MAP3K20: variants seen among roughly 807,000 people sequenced by gnomAD.
MAP3K20 encodes the protein mitogen-activated protein kinase kinase kinase 20.
MAP3K20 carries 40 observed loss-of-function variants against 85.7 expected under a neutral mutation model. The ratio of observed to expected loss-of-function variants is 0.47; its 90% CI spans 0.36 to 0.61. The LOEUF (loss-of-function observed/expected upper bound fraction) is 0.61. MAP3K20 is among the 20% of genes least tolerant of loss of function. The pLI, the probability that MAP3K20 is intolerant of heterozygous loss-of-function variation, is 0.00. For synonymous variants in MAP3K20, 325 were observed against 327.7 expected (o/e 0.99, Z 0.09); for missense variants, 817 against 961.7 (o/e 0.85, Z 1.99).
chr2:173,181,061 T>C (rs540304327), intron 3 of MAP3K20, among the ~76,000 whole-genome samples: 8 of 151,986 alleles, frequency 5.3e-5, no homozygotes, highest in Non-Finnish European at 7.4e-5. Context: ...AGTGTAAAAG[T>C]GGACAAAAGA....
At chr2:173,134,002 A>G (rs113993048) in intron 2 of MAP3K20, among the ~76,000 whole-genome samples, 1 of 151,010 alleles carries the variant, frequency 6.6e-6, no homozygotes, top group Non-Finnish European at 1.5e-5. Flanking sequence ...AAAAACAAAA[A>G]ACAAAAAACA....
chr2:173,140,875 G>A (rs933191437), intron 2 of MAP3K20, among the ~76,000 whole-genome samples: 4 of 152,102 alleles, frequency 2.6e-5, no homozygotes, highest in Non-Finnish European at 5.9e-5. Flanking sequence ...TCTGAATAAA[G>A]TTGGTGGATT....
chr2:173,237,858 A>C (rs1684690939), intron 14 of MAP3K20, among the ~76,000 whole-genome samples: 1 of 152,204 alleles, frequency 6.6e-6, no homozygotes, highest in South Asian at 2.1e-4. Flanking sequence ...TTTATTGCTT[A>C]GTCTGAGGTT....
chr2:173,229,975 G>A (rs1304695531), intron 12 of MAP3K20, among the ~76,000 whole-genome samples: 2 of 152,110 alleles, frequency 1.3e-5, no homozygotes, highest in African/African-American at 2.4e-5. Flanking sequence ...AAGACTATAG[G>A]TTCCCACCAG....
At chr2:173,257,972 A>G (rs184000000) in intron 16 of MAP3K20, among the ~76,000 whole-genome samples, 100 of 152,302 alleles carry the variant, frequency 6.6e-4, no homozygotes, top group Middle Eastern at 3.4e-3. Context: ...CTATCGTTTA[A>G]AAATCTAGAG....
At chr2:173,146,057 T>C (rs1296847074) in intron 2 of MAP3K20, among the ~76,000 whole-genome samples, 1 of 152,008 alleles carries the variant, frequency 6.6e-6, no homozygotes, top group East Asian at 1.9e-4. Context: ...CCCATGAGGG[T>C]TGGGTACTGA....
intron 16 of MAP3K20, among the ~76,000 whole-genome samples, chr2:173,243,141 C>T (rs1337856538): frequency 6.6e-6 from 1 of 152,144 alleles, no homozygotes; most frequent in Non-Finnish European, 1.5e-5. Flanking sequence ...TACAGCTTAT[C>T]ATAAGCAATA....
rs553917334 is a variant in MAP3K20 at position 173,160,827 on chromosome 2, C to G, written c.160-8978C>G. On this transcript the variant is annotated intron_variant, in intron 2 of 19. Coordinates refer to ENST00000375213, the MANE Select transcript of MAP3K20 (RefSeq NM_016653.3). ...TCTTTTGTTGTGGATATTTATGATA[C>G]TGGCCCTGGCCTAGGAATGGAGCTT... Among the ~76,000 whole-genome samples, 4 of 152,262 alleles carry G rather than the reference C, an allele frequency of 2.6e-5. 1 individual carries two copies. Among genetic ancestry groups the G allele is most frequent in the African/African-American group, 9.6e-5 (4 of 41,566 alleles).
rs1226309780 is a variant in MAP3K20, at chr2:173,267,861, G to A, written c.*1111G>A. 1 of 152,220 alleles carries A rather than the reference G, an allele frequency of 6.6e-6. No homozygotes were observed. The allele number at this position is 152,220 out of a possible 1,614,324, so 9.4% of individuals were successfully genotyped here. ...GCTCTGAGCAGCTGTGGGCAAAGAGGTAAACCAGTGGGGGTGCAAGGAGAC... is the reference window on the plus strand; with the variant it reads ...GCTCTGAGCAGCTGTGGGCAAAGAGATAAACCAGTGGGGGTGCAAGGAGAC... On this transcript the variant is annotated 3_prime_UTR_variant, in exon 20 of 20. Coordinates refer to ENST00000375213, the MANE Select transcript of MAP3K20 (RefSeq NM_016653.3).
At chr2:173,199,338 A>G (rs1167616594) in intron 8 of MAP3K20, among the ~76,000 whole-genome samples, 1 of 152,234 alleles carries the variant, frequency 6.6e-6, no homozygotes, top group Non-Finnish European at 1.5e-5. Context: ...AGAGCTGCCA[A>G]TTTAAGAAAT....
chr2:173,210,390 A>G (rs559408999), intron 10 of MAP3K20: 60 of 153,912 alleles, frequency 3.9e-4, no homozygotes, highest in Admixed American at 1.0e-3. Context: ...CTTCTGAGAC[A>G]AAAGATGGTT....
At position 173,176,589 on chromosome 2, in the gene MAP3K20, G is replaced by A. The variant is rs563258824; in HGVS notation, c.248-6265G>A. Among the ~76,000 whole-genome samples the A allele has an allele frequency of 5.9e-5, 9 of 152,222 alleles. No homozygotes were observed. The South Asian group carries it at 1.4e-3, about 25-fold the overall frequency. ...ATAAAAATCAATCAAGGATTTAAAT[G>A]ATAGATTAAAATTTTTTATTGCAAA... On this transcript the variant is annotated intron_variant, in intron 3 of 19. Transcript: ENST00000375213.
At chr2:173,116,190 T>C (rs935548430) in intron 2 of MAP3K20, among the ~76,000 whole-genome samples, 5 of 152,132 alleles carry the variant, frequency 3.3e-5, no homozygotes, top group Admixed American at 6.5e-5. Flanking sequence ...ATGGTATATA[T>C]TCATGCTGTA....
At chr2:173,241,171 GCAC>G (rs1684771691) in intron 16 of MAP3K20, among the ~76,000 whole-genome samples, 1 of 152,160 alleles carries the variant, frequency 6.6e-6, no homozygotes. Context: ...TTATTTGATA[GCAC>G]AACAGGGTGA....
At chr2:173,214,560 C>T (rs1162817267) in intron 10 of MAP3K20, 1 of 152,128 alleles carries the variant, frequency 6.6e-6, no homozygotes, top group East Asian at 1.9e-4. Flanking sequence ...ATATATAACA[C>T]ATTTAATAAA....
At chr2:173,083,453 A>G (rs942022563) in intron 1 of MAP3K20, among the ~76,000 whole-genome samples, 5 of 152,042 alleles carry the variant, frequency 3.3e-5, no homozygotes, top group Non-Finnish European at 5.9e-5. Context: ...TCCTGGGCTC[A>G]AGCGATCCTC....
chr2:173,161,676 T>C (rs1454232554), intron 2 of MAP3K20, among the ~76,000 whole-genome samples: 4 of 152,314 alleles, frequency 2.6e-5, no homozygotes, highest in South Asian at 4.1e-4. Context: ...AGGAGCATTA[T>C]GTAATAAAAT....
chr2:173,083,456 C>T (rs1037594364), intron 1 of MAP3K20, among the ~76,000 whole-genome samples: 1 of 151,942 alleles, frequency 6.6e-6, no homozygotes, highest in Non-Finnish European at 1.5e-5. Flanking sequence ...TGGGCTCAAG[C>T]GATCCTCCTG....
intron 11 of MAP3K20, chr2:173,227,040 G>A: frequency 1.0e-6 from 1 of 985,842 alleles, no homozygotes; most frequent in Non-Finnish European, 1.2e-6. Context: ...AGTCCACAGT[G>A]TATTCAGAAA....
Sources: allele counts gnomAD v4.1 joint callset (sites outside exome capture counted in the v4.1 genomes callset), GRCh38; gene constraint gnomAD v4.1.1; transcripts MANE v1.5; gene names NCBI Gene and HGNC (gene_info 2026-07-23, HGNC 2026-07-21).